Variants in EEFSEC observed in about 807,000 individuals in gnomAD.
The protein encoded by EEFSEC is eukaryotic elongation factor, selenocysteine-tRNA specific.
A neutral mutation model predicts 42.1 loss-of-function variants in EEFSEC; 43 were observed. The observed-to-expected ratio is 1.02, with a 90% confidence interval of 0.80 to 1.32. EEFSEC has a LOEUF of 1.32. Ranked by LOEUF, EEFSEC falls within the 40% of genes most tolerant of loss-of-function variation. EEFSEC has a pLI of 0.00. For synonymous variants in EEFSEC, 354 were observed against 339.1 expected (o/e 1.04, Z -0.48); for missense variants, 745 against 803.6 (o/e 0.93, Z 0.88).
intron 1 of EEFSEC, among the ~76,000 whole-genome samples, chr3:128,168,794 T>G (rs1170554117): frequency 6.6e-6 from 1 of 152,206 alleles, no homozygotes; most frequent in South Asian, 2.1e-4. Flanking sequence ...TGTCACTTAC[T>G]CTTTGCGACA....
At chr3:128,229,879 C>A (rs966602589) in intron 1 of EEFSEC, among the ~76,000 whole-genome samples, 14 of 152,172 alleles carry the variant, frequency 9.2e-5, no homozygotes, top group African/African-American at 3.4e-4. Context: ...TTTCTGTTCC[C>A]TTTGGTCTCA....
chr3:128,398,657 G>A, intron 6 of EEFSEC, among the ~76,000 whole-genome samples: 1 of 152,124 alleles, frequency 6.6e-6, no homozygotes, highest in Non-Finnish European at 1.5e-5. Context: ...GACACCTAGA[G>A]CAGGAGCCTC....
intron 3 of EEFSEC, among the ~76,000 whole-genome samples, chr3:128,264,367 G>A (rs1037614190): frequency 3.9e-5 from 6 of 152,202 alleles, no homozygotes; most frequent in Non-Finnish European, 5.9e-5. Flanking sequence ...GAAGACAGAC[G>A]AGGCTTCTCC....
At chr3:128,352,558 G>A (rs567129051) in intron 5 of EEFSEC, among the ~76,000 whole-genome samples, 18 of 152,304 alleles carry the variant, frequency 1.2e-4, no homozygotes, top group Admixed American at 3.3e-4. Flanking sequence ...TTCTGAGGCC[G>A]GCAGTCTCTT....
chr3:128,354,112 C>T (rs1194061068), intron 5 of EEFSEC, among the ~76,000 whole-genome samples: 1 of 152,094 alleles, frequency 6.6e-6, no homozygotes, highest in African/African-American at 2.4e-5. Context: ...AGTGTGGGGC[C>T]ACCAGCAGGC....
intron 6 of EEFSEC, among the ~76,000 whole-genome samples, chr3:128,365,360 G>A (rs1174851353): frequency 6.6e-6 from 1 of 152,204 alleles, no homozygotes; most frequent in African/African-American, 2.4e-5. Context: ...CTAGTTACCT[G>A]GAGGGTCTCC....
chr3:128,416,904 G>T, the EEFSEC span, among the ~76,000 whole-genome samples: 2 of 152,276 alleles, frequency 1.3e-5, no homozygotes, highest in Non-Finnish European at 1.5e-5. Context: ...GTCATGGGAG[G>T]CCACACATTC....
intron 4 of EEFSEC, among the ~76,000 whole-genome samples, chr3:128,275,658 G>C (rs2066460400): frequency 6.6e-6 from 1 of 152,242 alleles, no homozygotes. Flanking sequence ...TCCCAGGCAA[G>C]GCGACTGAAG....
chr3:128,195,544 C>T (rs2065575337), intron 1 of EEFSEC, among the ~76,000 whole-genome samples: 2 of 152,272 alleles, frequency 1.3e-5, no homozygotes, highest in African/African-American at 4.8e-5. Context: ...TGCATTTTAT[C>T]TGGCGGAATG....
At chr3:128,386,539 A>T (rs1404531520) in intron 6 of EEFSEC, among the ~76,000 whole-genome samples, 2 of 151,980 alleles carry the variant, frequency 1.3e-5, no homozygotes, top group African/African-American at 4.8e-5. Context: ...CCAGGCCTTC[A>T]TGGTGGCACA....
At chr3:128,340,843 A>G (rs1054098898) in intron 4 of EEFSEC, among the ~76,000 whole-genome samples, 3 of 152,316 alleles carry the variant, frequency 2.0e-5, no homozygotes, top group Middle Eastern at 3.4e-3. Flanking sequence ...GGAGGCAGGC[A>G]AACCTGGACA....
intron 1 of EEFSEC, among the ~76,000 whole-genome samples, chr3:128,199,632 G>A (rs563781872): frequency 3.7e-4 from 57 of 152,322 alleles, no homozygotes; most frequent in African/African-American, 1.3e-3. Context: ...GTTTCTGCAA[G>A]TTTCTGTCTT....
chr3:128,310,362 G>A (rs970490034), intron 4 of EEFSEC, among the ~76,000 whole-genome samples: 1 of 152,180 alleles, frequency 6.6e-6, no homozygotes, highest in Non-Finnish European at 1.5e-5. Flanking sequence ...CTCCTGCCCC[G>A]TAATCTTGAC....
chr3:128,324,565 G>GGA (rs2067043526), intron 4 of EEFSEC, among the ~76,000 whole-genome samples: 1 of 152,160 alleles, frequency 6.6e-6, no homozygotes, highest in African/African-American at 2.4e-5. Context: ...ATCCCAGGGA[G>GGA]GAGAGAGAGA....
rs142986002 is a variant in EEFSEC, at chr3:128,372,189, C to T, written c.1600+13816C>T. 1.2e-4 allele frequency among the ~76,000 whole-genome samples: 18 copies of T among 152,298 alleles called. 1 individual carries two copies. The highest frequency in any genetic ancestry group is 2.9e-4 in the African/African-American group (12 of 41,562). ...TTTAGGCAGTGGAAAGTGGAACTTG[C>T]GATTGGCTGTCTCTGGAGGGTCTCT... On this transcript the variant is annotated intron_variant, in intron 6 of 6. Coordinates refer to ENST00000254730, the MANE Select transcript of EEFSEC (RefSeq NM_021937.5).
At chr3:128,322,486 G>C (rs2067018351) in intron 4 of EEFSEC, among the ~76,000 whole-genome samples, 2 of 152,240 alleles carry the variant, frequency 1.3e-5, no homozygotes, top group Non-Finnish European at 2.9e-5. Context: ...CTGACAGCCT[G>C]GTGGGGTTTC....
chr3:128,167,604 G>A (rs1332117591), intron 1 of EEFSEC, among the ~76,000 whole-genome samples: 3 of 152,242 alleles, frequency 2.0e-5, no homozygotes, highest in Non-Finnish European at 2.9e-5. Context: ...CTGCCATGCT[G>A]ATGGTTAATT....
intron 6 of EEFSEC, among the ~76,000 whole-genome samples, chr3:128,398,751 T>A (rs1263476397): frequency 1.3e-5 from 2 of 152,144 alleles, no homozygotes; most frequent in East Asian, 3.9e-4. Flanking sequence ...AGCCCCAGCC[T>A]GAGCTTCTGG....
At chr3:128,185,719 G>A (rs1416396745) in intron 1 of EEFSEC, among the ~76,000 whole-genome samples, 7 of 152,120 alleles carry the variant, frequency 4.6e-5, no homozygotes, top group Non-Finnish European at 1.0e-4. Flanking sequence ...TAGCTACCAC[G>A]CCTGGCCAGT....
Sources: gnomAD v4.1 joint callset for allele counts (sites outside exome capture counted in the v4.1 genomes callset) on GRCh38, gnomAD v4.1.1 for gene constraint, MANE v1.5 for transcripts, NCBI Gene and HGNC (gene_info 2026-07-23, HGNC 2026-07-21) for gene names.